TALDO1: variants seen among roughly 807,000 people sequenced by gnomAD.
TALDO1 encodes the protein transaldolase 1.
TALDO1 carries 29 observed loss-of-function variants against 38.1 expected under a neutral mutation model. That is an observed-to-expected ratio of 0.76 (90% confidence interval 0.57 to 1.04). The LOEUF is 1.04. Among genes scored for constraint, TALDO1 ranks in the 50% least tolerant of loss-of-function variants. The pLI is 0.00. For synonymous variants in TALDO1, 207 were observed against 176.8 expected, an observed-to-expected ratio of 1.17 and a Z score of -1.36; for missense variants, 499 against 438.1, an observed-to-expected ratio of 1.14 and a Z score of -1.24.
rs754826318 is a variant in TALDO1, at chr11:755,948, C to T, written c.167C>T (p.Pro56Leu). Residue 56 changes from proline (P) to leucine (L), a missense_variant, in exon 2 of 8, where the codon CCC becomes CTC. Physicochemically the swap from Pro to Leu is moderately conservative, Grantham distance 98. Coordinates refer to ENST00000319006, the MANE Select transcript of TALDO1 (RefSeq NM_006755.2). The part of the protein sequence containing the change: ...PSLILAAAQM[P>L]AYQELVEEAI... ...CTGATCCTGGCCGCAGCACAGATGC[C>T]CGCTTACCAGGAGCTGGTGGAGGAG... The T allele has an allele frequency of 1.2e-6, 2 of 1,614,106 alleles. No individual in the cohort carries two copies. Among genetic ancestry groups the T allele is most frequent in the Admixed American group, 1.7e-5 (1 of 60,004 alleles).
intron 4 of TALDO1, among the ~76,000 whole-genome samples, chr11:762,481 T>C (rs1329571967): frequency 1.3e-5 from 2 of 152,142 alleles, no homozygotes; most frequent in East Asian, 3.8e-4. Context: ...GTGCAAGTTT[T>C]GTCCTGGACA....
chr11:753,985 A>C (rs1190902711), intron 1 of TALDO1, among the ~76,000 whole-genome samples: 4 of 151,566 alleles, frequency 2.6e-5, no homozygotes, highest in African/African-American at 9.7e-5. Context: ...GAAGAAAAAA[A>C]CTTTTTTATT....
rs1313041760 is a variant in TALDO1, at chr11:755,975, C to T, written c.194C>T (p.Ala65Val). The change falls in exon 2 of 8, where the codon GCG (alanine) becomes GTG (valine). Residue 65 changes from alanine (A) to valine (V), a missense_variant. Physicochemically the swap from Ala to Val is moderately conservative, Grantham distance 64. Transcript: ENST00000319006. ...MPAYQELVEE[A>V]IAYGRKLGGS... ...GCTTACCAGGAGCTGGTGGAGGAGG[C>T]GATTGCCTATGGCCGGAAGCTGGGC... The T allele has an allele frequency of 2.5e-6, 4 of 1,613,708 alleles. No individual in the cohort carries two copies. Among genetic ancestry groups the T allele is most frequent in the South Asian group, 2.2e-5 (2 of 91,034 alleles).
chr11:761,829 C>G (rs1031331874), intron 4 of TALDO1, among the ~76,000 whole-genome samples: 14 of 152,106 alleles, frequency 9.2e-5, no homozygotes, highest in Admixed American at 3.3e-4. Context: ...AGCACACATA[C>G]CACTCCTGGG....
intron 1 of TALDO1, among the ~76,000 whole-genome samples, chr11:754,185 G>A (rs771348894): frequency 4.0e-5 from 6 of 151,772 alleles, no homozygotes; most frequent in Non-Finnish European, 8.8e-5. Context: ...GGGTTTCGCC[G>A]TGTTAGCCAG....
chr11:759,109 C>T (rs778095063), intron 3 of TALDO1, 52 bp downstream of exon 3: 14 of 1,482,476 alleles, frequency 9.4e-6, no homozygotes, highest in South Asian at 1.1e-5. Flanking sequence ...TCCACAGTTG[C>T]ACACGTGGAT....
chr11:763,520 G>A lies in TALDO1; in HGVS notation c.637+1G>A, dbSNP rs1262603815. Reference sequence around the variant, plus strand: ...TCCTATGAGCCCCTGGAAGACCCTGGTGAGGGTCCCTCTGTGGTAATGGGG... The same window carrying A: ...TCCTATGAGCCCCTGGAAGACCCTGATGAGGGTCCCTCTGTGGTAATGGGG... On this transcript the variant is annotated splice_donor_variant, in intron 5 of 7. Coordinates refer to ENST00000319006, the MANE Select transcript of TALDO1 (RefSeq NM_006755.2). LOFTEE classifies it high-confidence loss of function. The A allele has an allele frequency of 1.9e-6, 3 of 1,613,644 alleles. No individual in the cohort carries two copies. Among genetic ancestry groups the A allele is most frequent in the East Asian group, 4.5e-5 (2 of 44,842 alleles).
intron 1 of TALDO1, 148 bp downstream of exon 1, chr11:747,726 A>C (rs1862685700): frequency 1.1e-5 from 8 of 700,538 alleles, no homozygotes; most frequent in Non-Finnish European, 1.6e-5. Context: ...CAGGTGCCGG[A>C]TGTTGGGGCC....
In TALDO1 at chr11:755,998, G is replaced by T. The variant is rs1343389392; in HGVS notation, c.217G>T (p.Gly73Cys). 3 of 1,612,752 alleles carry T rather than the reference G, an allele frequency of 1.9e-6. No individual in the cohort carries two copies. Among genetic ancestry groups the T allele is most frequent in the Non-Finnish European group, 2.5e-6 (3 of 1,179,690 alleles). ...GGCGATTGCCTATGGCCGGAAGCTG[G>T]GCGGGTGAGTGCCTGGACTCGGGAG... ...EEAIAYGRKL[G>C]GSQEDQIKNA... The change falls in exon 2 of 8, where the codon GGC (glycine) becomes TGC (cysteine). Residue 73 changes from glycine to cysteine, a missense_variant. Gly to Cys is a radical substitution (Grantham distance 159). Transcript: ENST00000319006.
chr11:748,845 A>C (rs1166926101), intron 1 of TALDO1, among the ~76,000 whole-genome samples: 1 of 152,232 alleles, frequency 6.6e-6, no homozygotes, highest in East Asian at 1.9e-4. Context: ...TAAGAAAGAA[A>C]GCTCCAGAAA....
intron 1 of TALDO1, chr11:752,592 A>G (rs1356789010): frequency 2.0e-5 from 3 of 152,208 alleles, no homozygotes; most frequent in Admixed American, 1.3e-4. Flanking sequence ...AAAAGGCCCA[A>G]GAGGACAGGG....
chr11:757,289 A>T (rs983409922), intron 2 of TALDO1, among the ~76,000 whole-genome samples: 4 of 135,594 alleles, frequency 2.9e-5, no homozygotes, highest in Admixed American at 7.3e-5. Context: ...ATGGCCCCAA[A>T]TTTTTTTTTT....
chr11:750,649 C>T (rs1490155268), intron 1 of TALDO1, among the ~76,000 whole-genome samples: 5 of 151,952 alleles, frequency 3.3e-5, no homozygotes, highest in Non-Finnish European at 7.4e-5. Flanking sequence ...ACGGTGAAAC[C>T]CCATCTCTAC....
intron 1 of TALDO1, among the ~76,000 whole-genome samples, chr11:755,507 G>A (rs1862820274): frequency 6.6e-6 from 1 of 152,142 alleles, no homozygotes; most frequent in South Asian, 2.1e-4. Flanking sequence ...CATAAGATCA[G>A]CGTTCACATG....
Position 747,476 on chromosome 11 carries a change from C to G in TALDO1, c.-6C>G. On this transcript the variant is annotated 5_prime_UTR_variant, in exon 1 of 8. Transcript: ENST00000319006. Reference sequence around the variant, plus strand: ...CCGCCGCCGCCGCAGACCCCTCGGTCTTGCTATGTCGAGCTCACCCGTGAA... The same window carrying G: ...CCGCCGCCGCCGCAGACCCCTCGGTGTTGCTATGTCGAGCTCACCCGTGAA... 6.3e-7 allele frequency: 1 copy of G among 1,588,122 alleles called. No homozygotes were observed. Among genetic ancestry groups the G allele is most frequent in the Middle Eastern group, 1.7e-4 (1 of 6,004 alleles).
intron 2 of TALDO1, among the ~76,000 whole-genome samples, chr11:758,739 G>C (rs1471550972): frequency 1.3e-5 from 2 of 152,082 alleles, no homozygotes; most frequent in East Asian, 3.9e-4. Flanking sequence ...CTAGTAACTA[G>C]GACTACAGGC....
At chr11:760,046 C>T in intron 3 of TALDO1, 76 bp from the exon 4 acceptor site, 3 of 1,601,534 alleles carry the variant, frequency 1.9e-6, no homozygotes, top group Non-Finnish European at 2.6e-6. Flanking sequence ...GACAGGCAGA[C>T]ACCCGGCCTC....
intron 2 of TALDO1, 25 bp from the exon 3 acceptor site, chr11:758,925 T>A: frequency 6.3e-7 from 1 of 1,585,388 alleles, no homozygotes; most frequent in East Asian, 2.3e-5. Context: ...GCTTCTAACC[T>A]GCTTTTTTTC....
At chr11:755,730 G>A (rs1862824263) in intron 1 of TALDO1, 149 bp from the exon 2 acceptor site, 2 of 1,115,076 alleles carry the variant, frequency 1.8e-6, no homozygotes, top group Non-Finnish European at 2.6e-6. Flanking sequence ...CAGTGACCCA[G>A]AAGAAGGTGT....
Sources: allele counts gnomAD v4.1 joint callset (sites outside exome capture counted in the v4.1 genomes callset), GRCh38; gene constraint gnomAD v4.1.1; transcripts MANE v1.5; gene names NCBI Gene and HGNC (gene_info 2026-07-23, HGNC 2026-07-21).